FBXO31: variants seen among roughly 807,000 people sequenced by gnomAD.
The protein encoded by FBXO31 is F-box protein 31, also known as F-box only protein 31.
A neutral mutation model predicts 54.4 loss-of-function variants in FBXO31; 24 were observed. The ratio of observed to expected loss-of-function variants is 0.44; its 90% CI spans 0.32 to 0.62. The LOEUF (loss-of-function observed/expected upper bound fraction) is 0.62. Ranked by LOEUF, FBXO31 falls within the 20% of genes least tolerant of loss-of-function variation. The pLI is 0.05. For synonymous variants in FBXO31, 388 were observed against 335.6 expected, an observed-to-expected ratio of 1.16 and a Z score of -1.71; for missense variants, 665 against 787.1, an observed-to-expected ratio of 0.84 and a Z score of 1.86.
Position 87,383,363 on chromosome 16 carries a change from G to GCCCCCCCCCC in FBXO31, c.340+41_340+42insGGGGGGGGGG. On this transcript the variant is annotated intron_variant, in intron 1 of 8. Coordinates refer to ENST00000311635, the MANE Select transcript of FBXO31 (RefSeq NM_024735.5). This position sits in a 1 kb window ranked among gnomAD's most constrained non-coding sequence, Gnocchi z 4.9. ...AGCTCCGAGGCCTCCACCTGGCAGG[G>GCCCCCCCCCC]ACCCCCCGCCCCTCCCGGCCCCGCC... The GCCCCCCCCCC allele has an allele frequency of 2.1e-6, 3 of 1,437,770 alleles. No homozygotes were observed. Among genetic ancestry groups the GCCCCCCCCCC allele is most frequent in the Non-Finnish European group, 2.8e-6 (3 of 1,064,684 alleles). The allele number at this position is 1,437,770 out of a possible 1,614,324, so 89.1% of individuals were successfully genotyped here.
chr16:87,374,372 C>T (rs907370793), intron 1 of FBXO31, among the ~76,000 whole-genome samples: 2 of 152,168 alleles, frequency 1.3e-5, no homozygotes, highest in Non-Finnish European at 2.9e-5. Context: ...ACTTAGCCTA[C>T]AGCTGCGCAA....
At position 87,331,185 on chromosome 16, in the gene FBXO31, CT is replaced by C; in HGVS notation, c.*102del. On this transcript the variant is annotated 3_prime_UTR_variant, in exon 9 of 9. Transcript: ENST00000311635. ...TGGGCCCCCCGACGAGGTGTGCGTT[CT>C]GGTCAAAAGGCCGGATTTCCAAAGT... 1 of 1,193,014 alleles carries C rather than the reference CT, an allele frequency of 8.4e-7. No homozygotes were observed. The highest frequency in any genetic ancestry group is 1.2e-6 in the Non-Finnish European group (1 of 831,908). 73.9% of individuals were successfully genotyped at this position (1,193,014 alleles called of 1,614,324 possible).
chr16:87,366,288 G>C (rs773313490), intron 1 of FBXO31, among the ~76,000 whole-genome samples: 1 of 152,124 alleles, frequency 6.6e-6, no homozygotes, highest in Non-Finnish European at 1.5e-5. Flanking sequence ...GTCACAACTG[G>C]GGAAATCAGA....
intron 1 of FBXO31, among the ~76,000 whole-genome samples, chr16:87,374,232 T>C (rs28447260): frequency 0.54 from 81,128 of 150,680 alleles, 24,118 homozygotes; most frequent in African/African-American, 0.73. Flanking sequence ...ACAGAGGCCC[T>C]GTCTCCACAA....
intron 1 of FBXO31, among the ~76,000 whole-genome samples, chr16:87,377,932 CG>C (rs1468323772): frequency 6.6e-6 from 1 of 151,852 alleles, no homozygotes; most frequent in Middle Eastern, 3.2e-3. Flanking sequence ...CCGAGGCAGG[CG>C]GATCACCTGA....
intron 1 of FBXO31, among the ~76,000 whole-genome samples, chr16:87,375,281 T>C (rs1026683622): frequency 6.6e-5 from 10 of 152,182 alleles, no homozygotes; most frequent in African/African-American, 2.4e-4. Flanking sequence ...CACTCCAGCC[T>C]GGGTGACAGA....
chr16:87,374,378 C>T (rs1906733286), intron 1 of FBXO31, among the ~76,000 whole-genome samples: 1 of 152,142 alleles, frequency 6.6e-6, no homozygotes, highest in Admixed American at 6.5e-5. Flanking sequence ...CCTACAGCTG[C>T]GCAAAATCAT....
Position 87,336,438 on chromosome 16 carries a change from C to T in FBXO31, c.733-174G>A, listed in dbSNP as rs1040950181. 6.6e-6 allele frequency among the ~76,000 whole-genome samples: 1 copy of T among 152,106 alleles called. No homozygotes were observed. Among genetic ancestry groups the T allele is most frequent in the East Asian group, 1.9e-4 (1 of 5,174 alleles). On this transcript the variant is annotated intron_variant, in intron 5 of 8. Transcript: ENST00000311635. The surrounding 1 kb of genome is among the most constrained non-coding windows in gnomAD (Gnocchi z 6.5). ...CGCTGGGAAGAGAAAGGGGAGCTGC[C>T]GGATTTGACCCCACGTCAGAGGTGC...
intron 1 of FBXO31, among the ~76,000 whole-genome samples, chr16:87,381,268 A>G (rs1907064710): frequency 6.6e-6 from 1 of 152,252 alleles, no homozygotes; most frequent in Non-Finnish European, 1.5e-5. Context: ...AGAAAAAGAC[A>G]AAAATAGACA....
At chr16:87,373,818 C>G (rs748999086) in intron 1 of FBXO31, among the ~76,000 whole-genome samples, 6 of 152,194 alleles carry the variant, frequency 3.9e-5, no homozygotes, top group Admixed American at 1.3e-4. Context: ...CAAAAGAGAA[C>G]AGAAATAGCA....
chr16:87,366,946 G>A (rs904359153), intron 1 of FBXO31, among the ~76,000 whole-genome samples: 10 of 152,220 alleles, frequency 6.6e-5, no homozygotes, highest in African/African-American at 2.4e-4. Context: ...GGGAGGCCAA[G>A]GCAGAAGGCT....
rs1905400826 is a variant in FBXO31, at chr16:87,346,675, G to A, written c.489+499C>T. Reference sequence around the variant, plus strand: ...ACTTTCTAGCAGGGGCCAGCCACCTGCCCAGAGCTCAACAAAGTCAGAGCA... The same window carrying A: ...ACTTTCTAGCAGGGGCCAGCCACCTACCCAGAGCTCAACAAAGTCAGAGCA... On this transcript the variant is annotated intron_variant, in intron 3 of 8. Coordinates refer to ENST00000311635, the MANE Select transcript of FBXO31 (RefSeq NM_024735.5). The surrounding 1 kb of genome is among the most constrained non-coding windows in gnomAD (Gnocchi z 4.2). Among the ~76,000 whole-genome samples the A allele has an allele frequency of 6.6e-6, 1 of 152,210 alleles. No individual in the cohort carries two copies. The highest frequency in any genetic ancestry group is 2.1e-4 in the South Asian group (1 of 4,836).
At chr16:87,359,683 G>A (rs1200744843) in intron 2 of FBXO31, among the ~76,000 whole-genome samples, 1 of 152,228 alleles carries the variant, frequency 6.6e-6, no homozygotes, top group Non-Finnish European at 1.5e-5. Flanking sequence ...AAAAAGCCAA[G>A]AGCTTCGTCC....
rs1904718499 is a variant in FBXO31 at position 87,328,220 on chromosome 16, G to T, written c.*3068C>A. 6.6e-6 allele frequency: 1 copy of T among 152,316 alleles called. No individual in the cohort carries two copies. Among genetic ancestry groups the T allele is most frequent in the South Asian group, 2.1e-4 (1 of 4,838 alleles). 9.4% of individuals were successfully genotyped at this position (152,316 alleles called of 1,614,324 possible). On this transcript the variant is annotated 3_prime_UTR_variant, in exon 9 of 9. Coordinates refer to ENST00000311635, the MANE Select transcript of FBXO31 (RefSeq NM_024735.5). ...GCGTGCGGCTGCAGCACAACTGCAG[G>T]TTCTCAGAGAAAAATCTCCAGCTCA...
intron 1 of FBXO31, among the ~76,000 whole-genome samples, chr16:87,360,976 C>T (rs1488768700): frequency 2.0e-5 from 3 of 152,170 alleles, no homozygotes; most frequent in Admixed American, 6.5e-5. Flanking sequence ...CCTCTTTGTC[C>T]CCTACTCCCA....
At chr16:87,357,171 G>GGA (rs745338765) in intron 2 of FBXO31, among the ~76,000 whole-genome samples, 65 of 152,058 alleles carry the variant, frequency 4.3e-4, no homozygotes, top group Non-Finnish European at 8.4e-4. Context: ...CTTCAGCCCA[G>GGA]GAGTTCAAGG....
rs1293120811 is a variant in FBXO31 at position 87,345,715 on chromosome 16, G to A, written c.489+1459C>T. Among the ~76,000 whole-genome samples the A allele has an allele frequency of 6.6e-6, 1 of 152,234 alleles. No individual in the cohort carries two copies. The highest frequency in any genetic ancestry group is 2.4e-5 in the African/African-American group (1 of 41,468). On this transcript the variant is annotated intron_variant, in intron 3 of 8. Transcript: ENST00000311635. The surrounding 1 kb of genome is among the most constrained non-coding windows in gnomAD (Gnocchi z 4.9). ...ACTGAACACATCAGAGAGCAATGAA[G>A]GTAGCCCAGTGACGAGGACCCAAGG...
chr16:87,341,225 A>G (rs775026256), intron 5 of FBXO31, among the ~76,000 whole-genome samples: 20 of 152,342 alleles, frequency 1.3e-4, no homozygotes, highest in Non-Finnish European at 2.4e-4. Context: ...GAGCCCACAC[A>G]CAGAAGTAGG....
At chr16:87,375,768 T>C (rs978571106) in intron 1 of FBXO31, among the ~76,000 whole-genome samples, 1 of 152,120 alleles carries the variant, frequency 6.6e-6, no homozygotes, top group Non-Finnish European at 1.5e-5. Flanking sequence ...TTGTTTCCTA[T>C]CCGGAGAAGG....
Sources: allele counts gnomAD v4.1 joint callset (sites outside exome capture counted in the v4.1 genomes callset), GRCh38; gene constraint gnomAD v4.1.1; non-coding constraint Gnocchi (gnomAD v3.1); transcripts MANE v1.5; gene names NCBI Gene and HGNC (gene_info 2026-07-23, HGNC 2026-07-21).